The following SLC35F4 variants were observed in gnomAD, a reference collection of about 807,000 sequenced individuals.
SLC35F4 encodes the protein solute carrier family 35 member F4, also known as chromosome 14 open reading frame 36.
SLC35F4 carries 24 observed loss-of-function variants against 44.2 expected under a neutral mutation model. The observed-to-expected ratio is 0.54, with a 90% confidence interval of 0.39 to 0.76. The LOEUF (loss-of-function observed/expected upper bound fraction) is 0.76. SLC35F4 is among the 30% of genes least tolerant of loss of function. The pLI, the probability that SLC35F4 is intolerant of heterozygous loss-of-function variation, is 0.00. For synonymous variants in SLC35F4, 238 were observed against 223.6 expected (o/e 1.06, Z -0.57); for missense variants, 562 against 586.1 (o/e 0.96, Z 0.42).
intron 1 of SLC35F4, among the ~76,000 whole-genome samples, chr14:57,624,224 C>A (rs185290175): frequency 3.9e-5 from 6 of 152,274 alleles, no homozygotes; most frequent in Admixed American, 3.9e-4. Context: ...TTCCTGGACA[C>A]ATACACCCTC....
rs1442276568 is a variant in SLC35F4, at chr14:57,824,416, G to GATAC, written c.103+41306_103+41307insGTAT. ...ATGGTAGGTAGGTAGAAGATAGATA[G>GATAC]ATAGATACATACATACATATGTACA... On this transcript the variant is annotated intron_variant, in intron 1 of 7. Transcript: ENST00000556826. 6.0e-3 allele frequency among the ~76,000 whole-genome samples: 920 copies of GATAC among 152,234 alleles called. 5 individuals carry two copies. Among genetic ancestry groups the GATAC allele is most frequent in the African/African-American group, 0.021 (869 of 41,524 alleles).
At chr14:57,725,231 A>G (rs1190729179) in intron 1 of SLC35F4, among the ~76,000 whole-genome samples, 1 of 152,180 alleles carries the variant, frequency 6.6e-6, no homozygotes. Context: ...GGCAGGGATG[A>G]AGGTTGCACA....
At chr14:57,676,438 G>A (rs929230977) in intron 1 of SLC35F4, among the ~76,000 whole-genome samples, 1 of 152,112 alleles carries the variant, frequency 6.6e-6, no homozygotes, top group Admixed American at 6.6e-5. Flanking sequence ...GATGGGGGAA[G>A]AGAGAGCACC....
chr14:57,957,444 A>C (rs1318225693), intron 1 of SLC35F4, among the ~76,000 whole-genome samples: 1 of 151,730 alleles, frequency 6.6e-6, no homozygotes, highest in Non-Finnish European at 1.5e-5. Flanking sequence ...CAAAAAAAAA[A>C]CTGCAATGAA....
chr14:57,581,346 CAA>C lies in SLC35F4; in HGVS notation c.673_674del (p.Leu225AspfsTer2). ...AAGCCAGTAAATAAAGGTAATTAGT[CAA>C]AGTCCATAGAATAGAAAAGGGAGCA... ...RTAPFSILWTLTNYLYLLALK... is the reference protein window; with the variant it reads ...RTAPFSILWTXTNYLYLLALK... On this transcript the variant is annotated frameshift_variant, in exon 4 of 8. Transcript: ENST00000556826. LOFTEE classifies it high-confidence loss of function. The C allele has an allele frequency of 9.9e-6, 16 of 1,613,400 alleles. No homozygotes were observed. Among genetic ancestry groups the C allele is most frequent in the Non-Finnish European group, 1.4e-5 (16 of 1,179,682 alleles).
intron 1 of SLC35F4, among the ~76,000 whole-genome samples, chr14:57,747,459 A>T (rs1470293650): frequency 6.6e-6 from 1 of 152,204 alleles, no homozygotes; most frequent in African/African-American, 2.4e-5. Flanking sequence ...AAACATTTCA[A>T]ATAGGATGCA....
intron 1 of SLC35F4, among the ~76,000 whole-genome samples, chr14:57,609,054 G>A (rs2071337313): frequency 2.0e-5 from 3 of 152,138 alleles, no homozygotes; most frequent in African/African-American, 7.2e-5. Context: ...TCTATGCAGA[G>A]ATTTTGAAAA....
At chr14:57,903,855 C>T (rs1394486185) in intron 1 of SLC35F4, among the ~76,000 whole-genome samples, 1 of 152,204 alleles carries the variant, frequency 6.6e-6, no homozygotes, top group Non-Finnish European at 1.5e-5. Flanking sequence ...CACAGGCCTT[C>T]TTATGACCCA....
At chr14:57,928,802 C>T (rs1450174382) in intron 1 of SLC35F4, among the ~76,000 whole-genome samples, 2 of 152,172 alleles carry the variant, frequency 1.3e-5, no homozygotes, top group East Asian at 3.9e-4. Context: ...AATAATGCTT[C>T]ATCAATTAAG....
chr14:57,857,897 G>A (rs1043283684), intron 1 of SLC35F4, among the ~76,000 whole-genome samples: 2 of 152,044 alleles, frequency 1.3e-5, no homozygotes, highest in Admixed American at 6.5e-5. Context: ...AAGCAAAAGA[G>A]CATGGGCACA....
intron 1 of SLC35F4, among the ~76,000 whole-genome samples, chr14:57,921,408 C>T (rs966754129): frequency 6.6e-6 from 1 of 152,210 alleles, no homozygotes; most frequent in African/African-American, 2.4e-5. Flanking sequence ...GCTGTATTAT[C>T]TTGGGCAGTT....
chr14:57,768,665 T>A (rs2077288604), intron 1 of SLC35F4, among the ~76,000 whole-genome samples: 1 of 152,182 alleles, frequency 6.6e-6, no homozygotes. Flanking sequence ...TTAACATAAA[T>A]TATATATGGA....
intron 1 of SLC35F4, among the ~76,000 whole-genome samples, chr14:57,597,288 T>C (rs1156485330): frequency 1.3e-5 from 2 of 152,226 alleles, no homozygotes; most frequent in African/African-American, 4.8e-5. Flanking sequence ...GATGGTCCCC[T>C]ATCCTTCTTA....
chr14:57,920,619 G>A (rs555348545), intron 1 of SLC35F4, among the ~76,000 whole-genome samples: 2 of 152,306 alleles, frequency 1.3e-5, no homozygotes, highest in East Asian at 3.9e-4. Context: ...CTTCACATGG[G>A]ATTGGAAGCC....
At chr14:57,854,737 G>A (rs954633759) in intron 1 of SLC35F4, among the ~76,000 whole-genome samples, 5 of 152,192 alleles carry the variant, frequency 3.3e-5, no homozygotes, top group African/African-American at 1.2e-4. Flanking sequence ...ATCTCTTTTA[G>A]TTCAGTCCAT....
At chr14:57,765,082 C>T (rs368070392) in intron 1 of SLC35F4, among the ~76,000 whole-genome samples, 27 of 152,280 alleles carry the variant, frequency 1.8e-4, no homozygotes, top group African/African-American at 5.5e-4. Context: ...TCCCCGAACT[C>T]AGGAAGTATA....
intron 1 of SLC35F4, among the ~76,000 whole-genome samples, chr14:57,720,185 C>A (rs1260399742): frequency 6.6e-6 from 1 of 152,126 alleles, no homozygotes; most frequent in Non-Finnish European, 1.5e-5. Flanking sequence ...ATAAATCCCA[C>A]TTGATCATGA....
Position 57,908,827 on chromosome 14 carries a change from T to C in SLC35F4, n.282+73086A>G, listed in dbSNP as rs534823307. Among the ~76,000 whole-genome samples the C allele has an allele frequency of 1.2e-4, 18 of 152,236 alleles. No individual in the cohort carries two copies. In the South Asian group the frequency reaches 1.2e-3, roughly 11 times the overall value. On this transcript the variant is annotated intron_variant and non_coding_transcript_variant, in intron 1 of 1. Transcript: ENST00000556568. ...TCAATTTTGGCTTTTGTTGCCATTG[T>C]TTTTGGCGTTTTAGTCATGAAGTCT...
intron 1 of SLC35F4, among the ~76,000 whole-genome samples, chr14:57,709,837 T>G (rs1453931662): frequency 6.6e-6 from 1 of 152,202 alleles, no homozygotes; most frequent in Non-Finnish European, 1.5e-5. Context: ...TTCAGTTTTA[T>G]GCATTCACAA....
Sources: allele counts gnomAD v4.1 joint callset (sites outside exome capture counted in the v4.1 genomes callset), GRCh38; gene constraint gnomAD v4.1.1; transcripts MANE v1.5; gene names NCBI Gene and HGNC (gene_info 2026-07-23, HGNC 2026-07-21).